The following CFAP54 variants were observed in gnomAD, a reference collection of about 807,000 sequenced individuals.
The protein encoded by CFAP54 is cilia and flagella associated protein 54, also known as cilia- and flagella-associated protein 54.
CFAP54 carries 290 observed loss-of-function variants against 370.4 expected under a neutral mutation model. The ratio of observed to expected loss-of-function variants is 0.78; its 90% CI spans 0.71 to 0.86. The LOEUF (loss-of-function observed/expected upper bound fraction) is 0.86. Among genes scored for constraint, CFAP54 ranks in the 40% least tolerant of loss-of-function variants. The pLI is 0.00. For missense variants in CFAP54, 3,399 were observed against 3,528.7 expected (o/e 0.96, Z 0.93); for synonymous variants, 1,206 against 1,236.5 (o/e 0.98, Z 0.52).
chr12:96,754,637 G>T (rs1013493105), intron 56 of CFAP54, among the ~76,000 whole-genome samples: 3 of 152,138 alleles, frequency 2.0e-5, no homozygotes, highest in African/African-American at 7.2e-5. Flanking sequence ...ACACTGGCCA[G>T]CTCTGTGCCC....
chr12:96,748,130 A>G (rs1958138840), intron 55 of CFAP54, among the ~76,000 whole-genome samples: 1 of 151,956 alleles, frequency 6.6e-6, no homozygotes, highest in Non-Finnish European at 1.5e-5. Flanking sequence ...ACTTTAGATG[A>G]ATTTATGTTT....
chr12:96,549,488 T>C (rs1258903968), intron 15 of CFAP54, among the ~76,000 whole-genome samples: 2 of 152,150 alleles, frequency 1.3e-5, no homozygotes, highest in Non-Finnish European at 2.9e-5. Flanking sequence ...ATGACAACAG[T>C]GTGAATTTTA....
At position 96,626,953 on chromosome 12, in the gene CFAP54, T is replaced by A; in HGVS notation, c.4103+14T>A. The A allele has an allele frequency of 1.5e-6, 2 of 1,337,904 alleles. No individual in the cohort carries two copies. The highest frequency in any genetic ancestry group is 1.9e-6 in the Non-Finnish European group (2 of 1,035,980). The allele number at this position is 1,337,904 out of a possible 1,614,324, so 82.9% of individuals were successfully genotyped here. ...CTTCTTGAAAAGGTACTTGCAATTA[T>A]CAGTGTTATACATGTTAACAACTTT... On this transcript the variant is annotated intron_variant, in intron 30 of 67. Coordinates refer to ENST00000524981, the MANE Select transcript of CFAP54 (RefSeq NM_001306084.2).
intron 9 of CFAP54, among the ~76,000 whole-genome samples, 184 bp from the exon 10 acceptor site, chr12:96,533,607 TC>T (rs1170415553): frequency 6.6e-6 from 1 of 152,146 alleles, no homozygotes; most frequent in Non-Finnish European, 1.5e-5. Context: ...TGGATGCCCT[TC>T]CTATTTGTCC....
At chr12:96,852,420 C>G (rs886216544) in intron 66 of CFAP54, among the ~76,000 whole-genome samples, 1 of 152,056 alleles carries the variant, frequency 6.6e-6, no homozygotes, top group African/African-American at 2.4e-5. Flanking sequence ...TGATTTATGA[C>G]AGAGGTAACT....
chr12:96,865,380 T>C (rs1193543990), intron 67 of CFAP54, among the ~76,000 whole-genome samples: 2 of 152,182 alleles, frequency 1.3e-5, no homozygotes, highest in African/African-American at 2.4e-5. Context: ...TTGCAGGATA[T>C]ATGTAAGAAG....
In CFAP54 at chr12:96,852,560, A is replaced by G. The variant is rs1428876256; in HGVS notation, c.9172-8259A>G. Among the ~76,000 whole-genome samples, 4 of 152,238 alleles carry G rather than the reference A, an allele frequency of 2.6e-5. No homozygotes were observed. In the East Asian group the frequency reaches 7.7e-4, roughly 29 times the overall value. Reference sequence around the variant, plus strand: ...ATAAATGTGGAAGATAAAACAATAAAGCTAGAGGAAATAATAAGAGATTAT... The same window carrying G: ...ATAAATGTGGAAGATAAAACAATAAGGCTAGAGGAAATAATAAGAGATTAT... On this transcript the variant is annotated intron_variant, in intron 66 of 67. Transcript: ENST00000524981.
chr12:96,706,788 A>ATGTGTG (rs140060456), intron 47 of CFAP54, among the ~76,000 whole-genome samples: 2 of 138,780 alleles, frequency 1.4e-5, no homozygotes, highest in African/African-American at 5.0e-5. Context: ...TTGTGTGTGT[A>ATGTGTG]TGTGTGTGTG....
intron 33 of CFAP54, among the ~76,000 whole-genome samples, chr12:96,647,472 CAAA>C (rs57089692): frequency 4.3e-3 from 174 of 40,760 alleles, no homozygotes; most frequent in Admixed American, 0.01. Context: ...GACTCTGTCC[CAAA>C]AAAAAAAAAA....
intron 26 of CFAP54, among the ~76,000 whole-genome samples, chr12:96,616,043 G>T (rs1402302968): frequency 1.3e-5 from 2 of 152,004 alleles, no homozygotes; most frequent in African/African-American, 2.4e-5. Context: ...AAATCATGCT[G>T]CTATAAAGAC....
intron 60 of CFAP54, among the ~76,000 whole-genome samples, chr12:96,776,955 A>G (rs992180475): frequency 2.0e-5 from 3 of 152,194 alleles, no homozygotes; most frequent in African/African-American, 4.8e-5. Flanking sequence ...ATAGTGGTAG[A>G]TATAAGTTTT....
intron 65 of CFAP54, among the ~76,000 whole-genome samples, chr12:96,821,757 A>T (rs899762613): frequency 6.6e-6 from 1 of 151,350 alleles, no homozygotes; most frequent in Non-Finnish European, 1.5e-5. Flanking sequence ...AATTCCATTG[A>T]CTAAATCTGC....
chr12:96,869,021 G>C (rs1300597130), intron 67 of CFAP54, among the ~76,000 whole-genome samples: 1 of 152,096 alleles, frequency 6.6e-6, no homozygotes, highest in Non-Finnish European at 1.5e-5. Flanking sequence ...CAGCCCACAG[G>C]AAAATAAAAC....
intron 30 of CFAP54, among the ~76,000 whole-genome samples, chr12:96,628,106 G>A (rs578060184): frequency 6.6e-6 from 1 of 152,252 alleles, no homozygotes; most frequent in African/African-American, 2.4e-5. Context: ...TGTAGCAGGT[G>A]GTACCAGCTA....
chr12:96,759,972 A>G (rs17025836), intron 58 of CFAP54, among the ~76,000 whole-genome samples: 3,391 of 152,318 alleles, frequency 0.022, 150 homozygotes, highest in East Asian at 0.21. Flanking sequence ...TTTCTTAAAC[A>G]TTCATTTATT....
intron 67 of CFAP54, among the ~76,000 whole-genome samples, chr12:96,862,537 G>A (rs1959903137): frequency 1.3e-5 from 2 of 152,234 alleles, no homozygotes; most frequent in African/African-American, 2.4e-5. Context: ...GGAATGAGTG[G>A]AATGAATGAT....
chr12:96,625,406 T>TAGAAA (rs1956539828), intron 28 of CFAP54, among the ~76,000 whole-genome samples: 2 of 152,182 alleles, frequency 1.3e-5, no homozygotes, highest in South Asian at 4.1e-4. Context: ...AATTGGTAGA[T>TAGAAA]TTCTGAGTCT....
At chr12:96,548,051 G>T in intron 15 of CFAP54, 73 bp downstream of exon 15, 2 of 611,690 alleles carry the variant, frequency 3.3e-6, no homozygotes, top group Non-Finnish European at 5.4e-6. Context: ...ATTTGTAAAT[G>T]CATAATGGTT....
intron 38 of CFAP54, among the ~76,000 whole-genome samples, chr12:96,659,373 A>T (rs1956964195): frequency 6.6e-6 from 1 of 152,084 alleles, no homozygotes. Flanking sequence ...ACCTCAAGTG[A>T]TCCTCCCACC....
Sources: allele counts gnomAD v4.1 joint callset (sites outside exome capture counted in the v4.1 genomes callset), GRCh38; gene constraint gnomAD v4.1.1; transcripts MANE v1.5; gene names NCBI Gene and HGNC (gene_info 2026-07-23, HGNC 2026-07-21).